Variants in GPC6 observed in about 807,000 individuals in gnomAD.
GPC6 encodes the protein glypican-6.
In GPC6, 14 loss-of-function variants were observed where a neutral mutation model predicts 55.2. That is an observed-to-expected ratio of 0.25 (90% CI 0.17 to 0.40). The LOEUF (loss-of-function observed/expected upper bound fraction) is 0.40, where lower values mean the gene tolerates loss of function less well. Ranked by LOEUF, GPC6 falls within the 10% of genes least tolerant of loss-of-function variation. The pLI, the probability that GPC6 is intolerant of heterozygous loss-of-function variation, is 1.00. For missense variants in GPC6, 641 were observed against 708.5 expected, an observed-to-expected ratio of 0.90 and a Z score of 1.08; for synonymous variants, 278 against 259.6, an observed-to-expected ratio of 1.07 and a Z score of -0.68.
chr13:94,197,891 C>A (rs1240151029), intron 4 of GPC6, among the ~76,000 whole-genome samples: 2 of 151,972 alleles, frequency 1.3e-5, no homozygotes, highest in Non-Finnish European at 2.9e-5. Flanking sequence ...AGCTCTATGC[C>A]CTGAAGGCCA....
intron 3 of GPC6, among the ~76,000 whole-genome samples, chr13:93,965,097 T>C (rs1879967723): frequency 6.9e-6 from 1 of 144,798 alleles, no homozygotes; most frequent in South Asian, 2.3e-4. Flanking sequence ...TGGGAAACAC[T>C]ATGAGTTTGT....
At chr13:93,417,182 T>C (rs1490229245) in intron 1 of GPC6, among the ~76,000 whole-genome samples, 8 of 152,166 alleles carry the variant, frequency 5.3e-5, no homozygotes, top group African/African-American at 1.9e-4. Context: ...ATATTTCACT[T>C]ATATGTATGG....
intron 4 of GPC6, among the ~76,000 whole-genome samples, chr13:94,188,517 T>G (rs1889276565): frequency 6.6e-6 from 1 of 152,120 alleles, no homozygotes; most frequent in Non-Finnish European, 1.5e-5. Flanking sequence ...TGAACTAAAG[T>G]TGAATAAAGA....
intron 3 of GPC6, among the ~76,000 whole-genome samples, chr13:93,927,687 G>GAA (rs10592821): frequency 1.5e-5 from 2 of 135,442 alleles, no homozygotes; most frequent in African/African-American, 5.3e-5. Context: ...CCTTCTTTGT[G>GAA]AAAAAAAAAA....
chr13:94,359,769 T>G (rs573647744), intron 6 of GPC6, among the ~76,000 whole-genome samples: 6 of 152,290 alleles, frequency 3.9e-5, no homozygotes, highest in African/African-American at 1.4e-4. Flanking sequence ...TCCAGTGTGC[T>G]TCCAGTACTG....
At chr13:94,069,614 C>T (rs1451065861) in intron 4 of GPC6, among the ~76,000 whole-genome samples, 2 of 152,120 alleles carry the variant, frequency 1.3e-5, no homozygotes, top group Admixed American at 6.6e-5. Flanking sequence ...CCCAAATCAC[C>T]TCTTGAATGC....
rs114698903 is a variant in GPC6, at chr13:94,061,284, A to G, written c.877+33390A>G. On this transcript the variant is annotated intron_variant, in intron 4 of 8. Coordinates refer to ENST00000377047, the MANE Select transcript of GPC6 (RefSeq NM_005708.5). ...GTTTATATCCCATCTTAGTACTACAAAATCACTGCCCCATAAAACAGGGAG... is the reference window on the plus strand; with the variant it reads ...GTTTATATCCCATCTTAGTACTACAGAATCACTGCCCCATAAAACAGGGAG... 3.8e-3 allele frequency among the ~76,000 whole-genome samples: 579 copies of G among 152,326 alleles called. 6 individuals carry two copies. The highest frequency in any genetic ancestry group is 0.013 in the African/African-American group (557 of 41,574).
At chr13:93,466,294 G>C (rs556936739) in intron 1 of GPC6, among the ~76,000 whole-genome samples, 33 of 152,074 alleles carry the variant, frequency 2.2e-4, no homozygotes, top group Non-Finnish European at 4.6e-4. Context: ...GATTCATCTA[G>C]ATATTCTTTG....
chr13:94,261,927 A>G (rs568120248), intron 4 of GPC6, among the ~76,000 whole-genome samples: 39 of 152,348 alleles, frequency 2.6e-4, no homozygotes, highest in African/African-American at 8.9e-4. Context: ...AATAGGGCAT[A>G]AGAGGTAGAT....
At chr13:94,246,276 T>C (rs1594094138) in intron 4 of GPC6, among the ~76,000 whole-genome samples, 1 of 152,120 alleles carries the variant, frequency 6.6e-6, no homozygotes, top group Non-Finnish European at 1.5e-5. Context: ...TTATCTGATA[T>C]ATGGTTTGTA....
chr13:94,003,538 C>T (rs936071697), intron 3 of GPC6, among the ~76,000 whole-genome samples: 6 of 152,084 alleles, frequency 3.9e-5, no homozygotes, highest in Non-Finnish European at 7.4e-5. Flanking sequence ...AAAAGACACA[C>T]AAGTGAAAAC....
At chr13:93,632,021 G>C (rs1879465284) in intron 2 of GPC6, among the ~76,000 whole-genome samples, 1 of 152,164 alleles carries the variant, frequency 6.6e-6, no homozygotes, top group Non-Finnish European at 1.5e-5. Flanking sequence ...ATAAGATTCT[G>C]AAATGTGATT....
intron 3 of GPC6, among the ~76,000 whole-genome samples, chr13:93,847,629 T>C (rs894397545): frequency 2.0e-5 from 3 of 152,184 alleles, no homozygotes; most frequent in Non-Finnish European, 4.4e-5. Context: ...CTAAGTAAGT[T>C]AACCAAATTG....
intron 3 of GPC6, among the ~76,000 whole-genome samples, chr13:93,881,121 C>G (rs1006408439): frequency 5.3e-5 from 8 of 152,024 alleles, no homozygotes; most frequent in African/African-American, 1.9e-4. Flanking sequence ...AATGGTGATG[C>G]AATTTCGTTT....
chr13:94,110,062 TAAAAA>T (rs78404632), intron 4 of GPC6, among the ~76,000 whole-genome samples: 3 of 84,632 alleles, frequency 3.5e-5, no homozygotes, highest in African/African-American at 4.2e-5. Context: ...CACCCTGGAC[TAAAAA>T]AAAAAAAAAA....
chr13:93,458,111 C>T (rs1393065147), intron 1 of GPC6, among the ~76,000 whole-genome samples: 3 of 152,150 alleles, frequency 2.0e-5, no homozygotes, highest in African/African-American at 7.2e-5. Flanking sequence ...GCTGAAAGAA[C>T]ATGTGTATGG....
chr13:93,605,016 T>C (rs1878179233), intron 2 of GPC6, among the ~76,000 whole-genome samples: 1 of 152,186 alleles, frequency 6.6e-6, no homozygotes, highest in Admixed American at 6.5e-5. Context: ...AATTGCTTCA[T>C]GGGGAAAAGA....
chr13:93,851,545 G>A (rs866905686), intron 3 of GPC6, among the ~76,000 whole-genome samples: 1 of 151,842 alleles, frequency 6.6e-6, no homozygotes, highest in Non-Finnish European at 1.5e-5. Flanking sequence ...GCAGTAGAGG[G>A]AAATAAGTAC....
intron 4 of GPC6, among the ~76,000 whole-genome samples, chr13:94,063,632 G>A (rs1359551938): frequency 6.6e-6 from 1 of 152,070 alleles, no homozygotes; most frequent in African/African-American, 2.4e-5. Flanking sequence ...AGATAAAATA[G>A]CCTAAGTTTG....
Sources: allele counts gnomAD v4.1 joint callset (sites outside exome capture counted in the v4.1 genomes callset), GRCh38; gene constraint gnomAD v4.1.1; transcripts MANE v1.5; gene names NCBI Gene and HGNC (gene_info 2026-07-23, HGNC 2026-07-21).